The following GABRB2 variants were observed in gnomAD, a reference collection of about 807,000 sequenced individuals.
GABRB2 encodes the protein gamma-aminobutyric acid type A receptor subunit beta2.
Under a neutral mutation model 54.7 loss-of-function variants are expected in GABRB2, and 16 were observed. That is an observed-to-expected ratio of 0.29 (90% confidence interval 0.20 to 0.44). GABRB2 has a LOEUF of 0.44. Among genes scored for constraint, GABRB2 ranks in the 20% least tolerant of loss-of-function variants. GABRB2 has a pLI of 1.00. For synonymous variants in GABRB2, 244 were observed against 233.8 expected, an observed-to-expected ratio of 1.04 and a Z score of -0.40; for missense variants, 355 against 644.0, an observed-to-expected ratio of 0.55 and a Z score of 4.86.
intron 4 of GABRB2, among the ~76,000 whole-genome samples, chr5:161,449,427 C>T (rs1470154500): frequency 6.6e-6 from 1 of 152,142 alleles, no homozygotes; most frequent in Admixed American, 6.6e-5. Context: ...TAAAACTCTG[C>T]TTTAAGTGAA....
chr5:161,352,023 G>T (rs1426425685), intron 5 of GABRB2, among the ~76,000 whole-genome samples: 1 of 151,956 alleles, frequency 6.6e-6, no homozygotes, highest in African/African-American at 2.4e-5. Context: ...TGCCTGTTAG[G>T]ATGGCTATTA....
intron 2 of GABRB2, 143 bp from the exon 3 acceptor site, chr5:161,545,437 TAAAAAA>T: frequency 1.9e-5 from 6 of 323,742 alleles, no homozygotes; most frequent in Non-Finnish European, 3.3e-5. Flanking sequence ...CTTTTTTTGT[TAAAAAA>T]AAAAAAAAAA....
At chr5:161,439,293 T>G (rs1308116141) in intron 4 of GABRB2, among the ~76,000 whole-genome samples, 3 of 152,112 alleles carry the variant, frequency 2.0e-5, no homozygotes, top group African/African-American at 7.2e-5. Flanking sequence ...AAATTGTGTA[T>G]CCAATGACAA....
Position 161,309,920 on chromosome 5 carries a change from C to T in GABRB2, c.1192-15492G>A, listed in dbSNP as rs188036010. Among the ~76,000 whole-genome samples, 35 of 152,190 alleles carry T rather than the reference C, an allele frequency of 2.3e-4. 1 individual carries two copies. Among genetic ancestry groups the T allele is most frequent in the South Asian group, 2.3e-3 (11 of 4,830 alleles). Reference sequence around the variant, plus strand: ...TGCTGGGATTACAGGCTTGAGCCACCGCGCCTGGCCCTAAATTTTTTAAAA... The same window carrying T: ...TGCTGGGATTACAGGCTTGAGCCACTGCGCCTGGCCCTAAATTTTTTAAAA... On this transcript the variant is annotated intron_variant, in intron 9 of 9. Coordinates refer to ENST00000393959, the MANE Select transcript of GABRB2 (RefSeq NM_001371727.1).
chr5:161,463,271 C>T (rs990557626), intron 3 of GABRB2, among the ~76,000 whole-genome samples: 1 of 150,138 alleles, frequency 6.7e-6, no homozygotes, highest in Non-Finnish European at 1.5e-5. Flanking sequence ...GATTATTTTT[C>T]TTCTTCCTCT....
intron 9 of GABRB2, among the ~76,000 whole-genome samples, chr5:161,296,262 G>T (rs1320646049): frequency 6.6e-6 from 1 of 152,158 alleles, no homozygotes; most frequent in Non-Finnish European, 1.5e-5. Flanking sequence ...TCAACAGCAT[G>T]GTTGTTTTCT....
At chr5:161,415,693 A>G (rs926078541) in intron 4 of GABRB2, among the ~76,000 whole-genome samples, 1 of 151,864 alleles carries the variant, frequency 6.6e-6, no homozygotes, top group Non-Finnish European at 1.5e-5. Flanking sequence ...GCTCACTGCA[A>G]CCTCCACCCA....
At chr5:161,548,326 C>T (rs3816596), upstream of GABRB2, 61,506 of 152,178 alleles carry the variant, frequency 0.4, 12,600 homozygotes, top group Admixed American at 0.48. Context: ...TGCTACGAGT[C>T]TGGGGACACA....
intron 5 of GABRB2, among the ~76,000 whole-genome samples, chr5:161,363,008 C>T (rs995232219): frequency 5.3e-5 from 8 of 152,112 alleles, no homozygotes; most frequent in African/African-American, 1.7e-4. Flanking sequence ...TACCATTTGA[C>T]CCAGCAATCC....
chr5:161,346,217 C>T (rs1159775649), intron 5 of GABRB2, among the ~76,000 whole-genome samples: 4 of 152,078 alleles, frequency 2.6e-5, no homozygotes, highest in African/African-American at 9.7e-5. Context: ...TGAAGAAAAA[C>T]TTCCTTTGAA....
At chr5:161,532,624 G>A (rs1760498160) in intron 3 of GABRB2, among the ~76,000 whole-genome samples, 1 of 152,062 alleles carries the variant, frequency 6.6e-6, no homozygotes, top group South Asian at 2.1e-4. Context: ...ATGTCCCACT[G>A]TCTAAGACAT....
intron 7 of GABRB2, among the ~76,000 whole-genome samples, chr5:161,333,542 A>T (rs551251534): frequency 1.3e-5 from 2 of 152,324 alleles, no homozygotes; most frequent in South Asian, 2.1e-4. Flanking sequence ...AAATCAAATC[A>T]TGCCACTTTT....
At chr5:161,479,967 T>A (rs1414367094) in intron 3 of GABRB2, among the ~76,000 whole-genome samples, 1 of 152,090 alleles carries the variant, frequency 6.6e-6, no homozygotes, top group Non-Finnish European at 1.5e-5. Flanking sequence ...CATGAGTATA[T>A]GTGTACATGT....
rs536823719 is a variant in GABRB2 at position 161,372,010 on chromosome 5, A to G, written c.542-35241T>C. Among the ~76,000 whole-genome samples, 16 of 152,234 alleles carry G rather than the reference A, an allele frequency of 1.1e-4. No individual in the cohort carries two copies. The South Asian group carries it at 3.1e-3, about 30-fold the overall frequency. On this transcript the variant is annotated intron_variant, in intron 5 of 9. Coordinates refer to ENST00000393959, the MANE Select transcript of GABRB2 (RefSeq NM_001371727.1). ...CTCCCAAACTGTTGGGATTACAGGC[A>G]TGTGTCACTGCACCTGTCCATAAAA...
At chr5:161,502,186 C>T (rs1054168654) in intron 3 of GABRB2, among the ~76,000 whole-genome samples, 1 of 151,254 alleles carries the variant, frequency 6.6e-6, no homozygotes, top group Non-Finnish European at 1.5e-5. Flanking sequence ...AAATCATGAT[C>T]TAAATTAAAA....
At chr5:161,328,428 T>A (rs1753717369) in intron 8 of GABRB2, among the ~76,000 whole-genome samples, 1 of 152,216 alleles carries the variant, frequency 6.6e-6, no homozygotes, top group Admixed American at 6.5e-5. Flanking sequence ...ATCACAATTA[T>A]GTTCATGAGT....
intron 3 of GABRB2, among the ~76,000 whole-genome samples, chr5:161,502,449 A>T (rs1450727797): frequency 1.3e-5 from 2 of 152,180 alleles, no homozygotes; most frequent in African/African-American, 4.8e-5. Context: ...AGATGAAAAC[A>T]TATTTCTAAC....
intron 3 of GABRB2, among the ~76,000 whole-genome samples, chr5:161,514,798 C>T (rs979336481): frequency 1.3e-5 from 2 of 152,166 alleles, no homozygotes; most frequent in African/African-American, 4.8e-5. Context: ...CTCAAGCCTT[C>T]GCTTGAATTT....
intron 3 of GABRB2, among the ~76,000 whole-genome samples, chr5:161,471,355 C>G (rs1424144900): frequency 6.6e-6 from 1 of 151,996 alleles, no homozygotes; most frequent in Non-Finnish European, 1.5e-5. Context: ...TTCTCAACCT[C>G]CTAAACTAGA....
Sources: gnomAD v4.1 joint callset for allele counts (sites outside exome capture counted in the v4.1 genomes callset) on GRCh38, gnomAD v4.1.1 for gene constraint, MANE v1.5 for transcripts, NCBI Gene and HGNC (gene_info 2026-07-23, HGNC 2026-07-21) for gene names.